PLXNA2: variants seen among roughly 807,000 people sequenced by gnomAD.
PLXNA2 encodes the protein plexin-A2.
A neutral mutation model predicts 193.5 loss-of-function variants in PLXNA2; 91 were observed. That is an observed-to-expected ratio of 0.47 (90% CI 0.40 to 0.56). PLXNA2 has a LOEUF of 0.56. Ranked by LOEUF, PLXNA2 falls within the 20% of genes least tolerant of loss-of-function variation. PLXNA2 has a pLI of 0.00. For synonymous variants in PLXNA2, 997 were observed against 1,027.3 expected (o/e 0.97, Z 0.56); for missense variants, 1,995 against 2,503.2 (o/e 0.80, Z 4.33).
chr1:208,105,219 A>G (rs1197537619), intron 4 of PLXNA2, among the ~76,000 whole-genome samples: 2 of 152,178 alleles, frequency 1.3e-5, no homozygotes, highest in Non-Finnish European at 2.9e-5. Context: ...TAGTCCAATG[A>G]AGAGTCTCAA....
intron 12 of PLXNA2, among the ~76,000 whole-genome samples, chr1:208,067,182 T>C (rs1377236844): frequency 6.6e-6 from 1 of 151,874 alleles, no homozygotes; most frequent in Non-Finnish European, 1.5e-5. Context: ...CTGTCTCTAT[T>C]AAAAATCCAA....
At chr1:208,155,653 T>A (rs573430665) in intron 3 of PLXNA2, among the ~76,000 whole-genome samples, 1 of 152,320 alleles carries the variant, frequency 6.6e-6, no homozygotes, top group East Asian at 1.9e-4. Flanking sequence ...ACCAAGGGGA[T>A]GTGCCTGGAG....
intron 29 of PLXNA2, chr1:208,029,574 G>C: frequency 1.0e-6 from 1 of 990,650 alleles, no homozygotes; most frequent in Non-Finnish European, 1.2e-6. Context: ...CCGAGGAATG[G>C]GCTCCCCTGG....
intron 18 of PLXNA2, among the ~76,000 whole-genome samples, chr1:208,045,467 A>T (rs895114918): frequency 1.3e-5 from 2 of 152,066 alleles, no homozygotes; most frequent in Admixed American, 6.5e-5. Context: ...AACAAGAGAA[A>T]ATTTTGGGGG....
chr1:208,050,765 G>T (rs1277616735), intron 17 of PLXNA2, among the ~76,000 whole-genome samples: 1 of 152,148 alleles, frequency 6.6e-6, no homozygotes, highest in East Asian at 1.9e-4. Flanking sequence ...GGAGGTCAAG[G>T]CTGCAGTGAG....
Position 208,098,903 on chromosome 1 carries a change from C to G in PLXNA2, c.1674G>C (p.Gln558His), listed in dbSNP as rs775255264. ...TGGGATGCACTGCAAGGCTCACACA[C>G]TGGCTGATGCTGGCAGCAAATCGAT... ...EPNRFAASIS[Q>H]CVSLAVHPSS... Residue 558 changes from glutamine to histidine, a missense_variant, in exon 6 of 32, where the codon CAG becomes CAC. By Grantham distance (24) the Gln-to-His change is conservative. Around this residue, in one of 3 missense-constraint regions of PLXNA2, gnomAD observed 702 missense variants for 812.9 expected, o/e 0.86. Coordinates refer to ENST00000367033, the MANE Select transcript of PLXNA2 (RefSeq NM_025179.4). 1 of 1,613,974 alleles carries G rather than the reference C, an allele frequency of 6.2e-7. No homozygotes were observed. Among genetic ancestry groups the G allele is most frequent in the Non-Finnish European group, 8.5e-7 (1 of 1,179,994 alleles).
At chr1:208,125,421 A>G (rs138620503) in intron 4 of PLXNA2, among the ~76,000 whole-genome samples, 25 of 152,318 alleles carry the variant, frequency 1.6e-4, no homozygotes, top group African/African-American at 5.3e-4. Flanking sequence ...CCCAGCCCTC[A>G]GATTCCTTCC....
chr1:208,182,140 T>C (rs1454695557), intron 3 of PLXNA2, among the ~76,000 whole-genome samples: 1 of 152,130 alleles, frequency 6.6e-6, no homozygotes, highest in East Asian at 1.9e-4. Context: ...TCTCTCTTCC[T>C]TAAGAAATCA....
intron 17 of PLXNA2, among the ~76,000 whole-genome samples, chr1:208,048,814 T>C (rs1665160558): frequency 6.6e-6 from 1 of 152,242 alleles, no homozygotes; most frequent in Admixed American, 6.5e-5. Flanking sequence ...ATTTTCTGTA[T>C]GCTGATGCTT....
intron 1 of PLXNA2, among the ~76,000 whole-genome samples, chr1:208,233,579 G>C (rs1572060989): frequency 1.3e-5 from 2 of 152,220 alleles, no homozygotes; most frequent in East Asian, 3.9e-4. Flanking sequence ...GTCAGCCACA[G>C]CTGCCTGAGA....
At chr1:208,238,147 C>T (rs1421018931) in intron 1 of PLXNA2, among the ~76,000 whole-genome samples, 2 of 152,086 alleles carry the variant, frequency 1.3e-5, no homozygotes, top group Non-Finnish European at 2.9e-5. Context: ...CAGAAGCTTC[C>T]GTCCTCTCAA....
chr1:208,095,887 C>A, intron 8 of PLXNA2, 142 bp downstream of exon 8: 1 of 702,048 alleles, frequency 1.4e-6, no homozygotes, highest in Non-Finnish European at 2.6e-6. Flanking sequence ...TGTACTCTGT[C>A]CAAACAAAGT....
At chr1:208,052,095 C>T (rs781139828) in intron 15 of PLXNA2, among the ~76,000 whole-genome samples, 1 of 152,192 alleles carries the variant, frequency 6.6e-6, no homozygotes, top group Non-Finnish European at 1.5e-5. Flanking sequence ...CTGGTGTTCT[C>T]ATGGCCCTCA....
chr1:208,158,850 G>A (rs1669016984), intron 3 of PLXNA2, among the ~76,000 whole-genome samples: 1 of 152,200 alleles, frequency 6.6e-6, no homozygotes, highest in Non-Finnish European at 1.5e-5. Flanking sequence ...ACCCTGTCGG[G>A]TTCTCCAACA....
chr1:208,180,339 G>A lies in PLXNA2; in HGVS notation c.1371+29941C>T, dbSNP rs531025807. 9.2e-5 allele frequency among the ~76,000 whole-genome samples: 14 copies of A among 152,156 alleles called. No homozygotes were observed. In the South Asian group the frequency reaches 2.7e-3, roughly 29 times the overall value. ...ATTCAAGCGGTGGGAGAGGGGCTCC[G>A]GTAGGAGGCCTGAGTGGGCACCTCT... On this transcript the variant is annotated intron_variant, in intron 3 of 31. Transcript: ENST00000367033.
At chr1:208,053,695 C>A (rs77190798) in intron 14 of PLXNA2, among the ~76,000 whole-genome samples, 1 of 152,174 alleles carries the variant, frequency 6.6e-6, no homozygotes, top group African/African-American at 2.4e-5. Context: ...AGAGAGACTT[C>A]GGGGCCGAAG....
At chr1:208,208,314 G>A (rs1226114606) in intron 3 of PLXNA2, among the ~76,000 whole-genome samples, 1 of 152,222 alleles carries the variant, frequency 6.6e-6, no homozygotes, top group Non-Finnish European at 1.5e-5. Flanking sequence ...GGGCTCTAGA[G>A]CTACTTCTTT....
intron 1 of PLXNA2, among the ~76,000 whole-genome samples, chr1:208,237,453 A>G (rs1572064869): frequency 6.6e-6 from 1 of 152,240 alleles, no homozygotes; most frequent in Non-Finnish European, 1.5e-5. Context: ...TGCAATTTAC[A>G]TAGAATACAA....
intron 5 of PLXNA2, among the ~76,000 whole-genome samples, chr1:208,102,260 C>CCCTCCG (rs1667120764): frequency 6.6e-6 from 1 of 152,240 alleles, no homozygotes; most frequent in Non-Finnish European, 1.5e-5. Flanking sequence ...TGAACTCTGG[C>CCCTCCG]CCTCCGCCTC....
Sources: gnomAD v4.1 joint callset for allele counts (sites outside exome capture counted in the v4.1 genomes callset) on GRCh38, gnomAD v4.1.1 for gene constraint, gnomAD v4.1.1 regional missense constraint, MANE v1.5 for transcripts, NCBI Gene and HGNC (gene_info 2026-07-23, HGNC 2026-07-21) for gene names.